Variants in STAG1 observed in about 807,000 individuals in gnomAD.
STAG1 encodes the protein STAG1 cohesin complex component.
A neutral mutation model predicts 170.9 loss-of-function variants in STAG1; 26 were observed. The ratio of observed to expected loss-of-function variants is 0.15; its 90% CI spans 0.11 to 0.21. STAG1 has a LOEUF of 0.21. Ranked by LOEUF, STAG1 falls within the 10% of genes least tolerant of loss-of-function variation. The pLI is 1.00. For missense variants in STAG1, 964 were observed against 1,509.5 expected (o/e 0.64, Z 5.99); for synonymous variants, 514 against 497.7 (o/e 1.03, Z -0.44).
chr3:136,475,366 C>T (rs992234903), intron 10 of STAG1, among the ~76,000 whole-genome samples: 2 of 152,036 alleles, frequency 1.3e-5, no homozygotes, highest in African/African-American at 4.8e-5. Flanking sequence ...AGGCTGGTCT[C>T]GAACTCCTGA....
chr3:136,431,537 T>C (rs58493992), intron 16 of STAG1, among the ~76,000 whole-genome samples: 12,316 of 152,248 alleles, frequency 0.081, 1,642 homozygotes, highest in African/African-American at 0.28. Context: ...CCCAAAGTGC[T>C]GGGATTACAG....
At chr3:136,529,643 T>C (rs937981857) in intron 6 of STAG1, among the ~76,000 whole-genome samples, 1 of 152,066 alleles carries the variant, frequency 6.6e-6, no homozygotes, top group Non-Finnish European at 1.5e-5. Context: ...CACAAAAAAA[T>C]GCTCAAGAGA....
chr3:136,720,810 A>T (rs1035065876), intron 1 of STAG1, among the ~76,000 whole-genome samples: 1 of 152,044 alleles, frequency 6.6e-6, no homozygotes, highest in African/African-American at 2.4e-5. Context: ...AAAAAGAAAA[A>T]GAAAAGAAAT....
chr3:136,413,926 C>G (rs945147053), intron 21 of STAG1, among the ~76,000 whole-genome samples: 1 of 152,184 alleles, frequency 6.6e-6, no homozygotes, highest in Non-Finnish European at 1.5e-5. Flanking sequence ...AAGCAAGTCA[C>G]AAAACCTTTG....
chr3:136,633,299 C>CA (rs1216294768), intron 1 of STAG1, among the ~76,000 whole-genome samples: 1 of 150,684 alleles, frequency 6.6e-6, no homozygotes, highest in East Asian at 1.9e-4. Flanking sequence ...GAAAAACCAT[C>CA]AAAAAAGAAC....
At chr3:136,584,142 G>T (rs1364324887) in intron 4 of STAG1, among the ~76,000 whole-genome samples, 1 of 152,190 alleles carries the variant, frequency 6.6e-6, no homozygotes, top group Non-Finnish European at 1.5e-5. Context: ...ATGCTCTCCT[G>T]TCCTGGTACT....
chr3:136,518,710 C>A (rs1400761633), intron 7 of STAG1, among the ~76,000 whole-genome samples: 1 of 151,922 alleles, frequency 6.6e-6, no homozygotes, highest in Non-Finnish European at 1.5e-5. Context: ...AAAGTTTTAT[C>A]CTTTGAAAAT....
At chr3:136,729,758 T>C (rs1445348558) in intron 1 of STAG1, among the ~76,000 whole-genome samples, 1 of 151,500 alleles carries the variant, frequency 6.6e-6, no homozygotes, top group Admixed American at 6.6e-5. Flanking sequence ...TTAACATTTT[T>C]AGTAGAGACA....
At chr3:136,601,248 A>C (rs1938662871) in intron 4 of STAG1, among the ~76,000 whole-genome samples, 1 of 152,230 alleles carries the variant, frequency 6.6e-6, no homozygotes. Flanking sequence ...TATTTTAGGA[A>C]GTACTGCCAA....
chr3:136,471,197 T>G (rs771347616), intron 12 of STAG1, among the ~76,000 whole-genome samples: 6 of 151,856 alleles, frequency 4.0e-5, no homozygotes, highest in Non-Finnish European at 8.8e-5. Flanking sequence ...GTTAACACAC[T>G]CCAGCATGAG....
intron 3 of STAG1, among the ~76,000 whole-genome samples, chr3:136,617,683 G>A (rs2107824606): frequency 6.6e-6 from 1 of 152,304 alleles, no homozygotes. Context: ...AGAAGTGACA[G>A]TCAGAGGTTG....
chr3:136,467,560 G>A (rs961713845), intron 12 of STAG1, among the ~76,000 whole-genome samples: 4 of 152,020 alleles, frequency 2.6e-5, no homozygotes, highest in Non-Finnish European at 4.4e-5. Flanking sequence ...AATAATAATG[G>A]GAGACTCTGA....
chr3:136,412,270 C>T (rs1232856960), intron 21 of STAG1, among the ~76,000 whole-genome samples: 1 of 152,086 alleles, frequency 6.6e-6, no homozygotes, highest in Non-Finnish European at 1.5e-5. Context: ...GAAAGTTCTT[C>T]CTTACAGTAG....
At chr3:136,375,920 G>A (rs544031017) in intron 23 of STAG1, among the ~76,000 whole-genome samples, 2 of 150,460 alleles carry the variant, frequency 1.3e-5, no homozygotes, top group Admixed American at 6.7e-5. Context: ...AGTGAGCCGA[G>A]ATCACGCCAC....
chr3:136,708,967 CTTTTTTTTT>C lies in STAG1; in HGVS notation c.-84+43219_-84+43227del, dbSNP rs61595071. Reference sequence around the variant, plus strand: ...CACAGGCATGTACCACTGCAGCTGGCTTTTTTTTTTTTTTTTTTTTTTTTTTAAAGACAG... The same window carrying C: ...CACAGGCATGTACCACTGCAGCTGGCTTTTTTTTTTTTTTTTTAAAGACAG... On this transcript the variant is annotated intron_variant, in intron 1 of 33. Transcript: ENST00000383202. 1.8e-3 allele frequency among the ~76,000 whole-genome samples: 151 copies of C among 86,062 alleles called. 1 individual carries two copies. Among genetic ancestry groups the C allele is most frequent in the Middle Eastern group, 7.0e-3 (1 of 142 alleles). The allele number at this position is 86,062 out of a possible 152,430, so 56.5% of individuals were successfully genotyped here.
intron 21 of STAG1, among the ~76,000 whole-genome samples, chr3:136,416,156 C>T (rs1238095638): frequency 6.6e-6 from 1 of 151,892 alleles, no homozygotes. Flanking sequence ...TACAGGTGCC[C>T]GCCACCGTGC....
chr3:136,462,565 A>G (rs549861627), intron 13 of STAG1, among the ~76,000 whole-genome samples: 1 of 152,196 alleles, frequency 6.6e-6, no homozygotes, highest in African/African-American at 2.4e-5. Flanking sequence ...TGGGTTCAAA[A>G]ATACAGTTAG....
intron 22 of STAG1, among the ~76,000 whole-genome samples, chr3:136,394,733 A>G (rs576981374): frequency 6.6e-6 from 1 of 151,784 alleles, no homozygotes; most frequent in East Asian, 1.9e-4. Flanking sequence ...CAGGCAGATC[A>G]CCTGAGGTTG....
At chr3:136,536,703 CA>C (rs11321017) in intron 6 of STAG1, among the ~76,000 whole-genome samples, 20,462 of 71,242 alleles carry the variant, frequency 0.29, 863 homozygotes, top group African/African-American at 0.39. Flanking sequence ...ACTCAGTCTC[CA>C]AAAAAAAAAA....
Sources: allele counts gnomAD v4.1 joint callset (sites outside exome capture counted in the v4.1 genomes callset), GRCh38; gene constraint gnomAD v4.1.1; transcripts MANE v1.5; gene names NCBI Gene and HGNC (gene_info 2026-07-23, HGNC 2026-07-21).